Variants in ESR2 observed in about 807,000 individuals in gnomAD.
ESR2 encodes estrogen receptor beta.
In ESR2, 36 loss-of-function variants were observed where a neutral mutation model predicts 49.6. That is an observed-to-expected ratio of 0.73 (90% CI 0.56 to 0.96). The LOEUF is 0.96. ESR2 is among the 40% of genes least tolerant of loss of function. The pLI is 0.00. For synonymous variants in ESR2, 320 were observed against 266.1 expected (o/e 1.20, Z -1.97); for missense variants, 714 against 693.0 (o/e 1.03, Z -0.34).
chr14:64,297,332 G>A (rs2076969814), upstream of ESR2, among the ~76,000 whole-genome samples: 1 of 152,186 alleles, frequency 6.6e-6, no homozygotes, highest in African/African-American at 2.4e-5. Flanking sequence ...AGCAAAGGAA[G>A]TCAATGTAGT....
Position 64,268,778 on chromosome 14 carries a change from G to A in ESR2, c.652+17C>T, listed in dbSNP as rs3742614. ...TAGCAAGGCCCATATTCAATAAGAA[G>A]GGAAGCAAGCACTCACCACACTTCA... On this transcript the variant is annotated intron_variant, in intron 4 of 8. Transcript: ENST00000341099. 7.6e-3 allele frequency: 11,187 copies of A among 1,473,096 alleles called. 605 individuals are homozygous for A. The Admixed American group carries it at 0.1, about 14-fold the overall frequency. 91.3% of individuals were successfully genotyped at this position (1,473,096 alleles called of 1,614,324 possible). A position where few individuals can be genotyped will look rare whatever the true frequency, so the allele number is the denominator to read the frequency against.
chr14:64,270,766 T>A (rs1203938077), intron 3 of ESR2, among the ~76,000 whole-genome samples: 2 of 152,188 alleles, frequency 1.3e-5, no homozygotes, highest in Non-Finnish European at 2.9e-5. Flanking sequence ...CGCCTTGGTC[T>A]CCCAAAGTGC....
chr14:64,268,945 G>A (rs747435217), intron 3 of ESR2, 34 bp from the exon 4 acceptor site: 1 of 1,186,064 alleles, frequency 8.4e-7, no homozygotes, highest in East Asian at 2.3e-5. Context: ...AAAGATTATT[G>A]CTATGATCTC....
intron 1 of ESR2, among the ~76,000 whole-genome samples, chr14:64,315,284 G>C (rs912144984): frequency 6.8e-6 from 1 of 147,642 alleles, no homozygotes; most frequent in Non-Finnish European, 1.5e-5. Flanking sequence ...GAGAGAAGAC[G>C]CTAGTTACCA....
At chr14:64,321,310 C>CAA (rs142120594) in intron 1 of ESR2, among the ~76,000 whole-genome samples, 11 of 114,632 alleles carry the variant, frequency 9.6e-5, no homozygotes, top group African/African-American at 3.6e-4. Context: ...TGTCTAGAAG[C>CAA]AAAAAAAAAA....
intron 1 of ESR2, among the ~76,000 whole-genome samples, chr14:64,332,815 G>C (rs1407489021): frequency 2.3e-4 from 34 of 150,626 alleles, no homozygotes; most frequent in Admixed American, 2.3e-3. Context: ...AAAAAAAAAG[G>C]GTACCGTATA....
intron 6 of ESR2, among the ~76,000 whole-genome samples, chr14:64,253,269 C>T (rs1285290345): frequency 6.6e-6 from 1 of 152,064 alleles, no homozygotes; most frequent in Non-Finnish European, 1.5e-5. Context: ...TGGCTCACTG[C>T]AACCTCCACT....
intron 1 of ESR2, among the ~76,000 whole-genome samples, chr14:64,291,639 A>G (rs371492728): frequency 6.6e-6 from 1 of 152,208 alleles, no homozygotes; most frequent in Non-Finnish European, 1.5e-5. Context: ...AGTTTACAAA[A>G]GGTTATACAT....
At chr14:64,312,741 T>C (rs2077200315) in intron 1 of ESR2, among the ~76,000 whole-genome samples, 1 of 151,956 alleles carries the variant, frequency 6.6e-6, no homozygotes, top group African/African-American at 2.4e-5. Flanking sequence ...GGCCAGTCTC[T>C]ACTAAAAATA....
At chr14:64,237,396 A>T (rs1373866761) in intron 7 of ESR2, among the ~76,000 whole-genome samples, 1 of 152,244 alleles carries the variant, frequency 6.6e-6, no homozygotes, top group Non-Finnish European at 1.5e-5. Context: ...CCCTAAAATT[A>T]ACCCCATCTG....
At chr14:64,295,054 C>A (rs1782077410), upstream of ESR2, among the ~76,000 whole-genome samples, 1 of 152,242 alleles carries the variant, frequency 6.6e-6, no homozygotes. Context: ...CCAGTTCCCC[C>A]AGCTTAATGG....
rs1057454467 is a variant in ESR2 at position 64,283,078 on chromosome 14, G to A, written c.-90-3C>T. The A allele has an allele frequency of 2.6e-5, 34 of 1,307,632 alleles. No homozygotes were observed. The highest frequency in any genetic ancestry group is 3.3e-5 in the Non-Finnish European group (32 of 956,350). 81.0% of individuals were successfully genotyped at this position (1,307,632 alleles called of 1,614,324 possible). The stretch of plus-strand genomic sequence containing the variant: ...AGATTCGTGGGCAAGTATAATGGCT[G>A]TAAAGAAACACAGAAGATATTGCCA... On this transcript the variant is annotated splice_region_variant and splice_polypyrimidine_tract_variant and intron_variant, in intron 1 of 8. Coordinates refer to ENST00000341099, the MANE Select transcript of ESR2 (RefSeq NM_001437.3).
chr14:64,293,979 G>A (rs1193809590), intron 1 of ESR2, 54 bp downstream of exon 1: 3 of 152,334 alleles, frequency 2.0e-5, no homozygotes, highest in East Asian at 3.9e-4. Context: ...CTCACCGCAG[G>A]ATTTCAAACA....
intron 7 of ESR2, among the ~76,000 whole-genome samples, chr14:64,245,005 G>T (rs1596380326): frequency 6.6e-6 from 1 of 152,004 alleles, no homozygotes; most frequent in African/African-American, 2.4e-5. Flanking sequence ...TTCTGTCAGG[G>T]TTTTAAATTT....
chr14:64,335,228 T>C (rs1394783966), intron 1 of ESR2, among the ~76,000 whole-genome samples: 1 of 152,212 alleles, frequency 6.6e-6, no homozygotes, highest in African/African-American at 2.4e-5. Flanking sequence ...TTAGTGTGAC[T>C]AGAAAGGCCT....
intron 2 of ESR2, among the ~76,000 whole-genome samples, chr14:64,282,237 C>T (rs1219483186): frequency 2.0e-5 from 3 of 152,066 alleles, no homozygotes; most frequent in African/African-American, 4.8e-5. Context: ...CCCAGCTACT[C>T]GGGAGACTAA....
At chr14:64,309,541 G>T (rs1286936859) in intron 1 of ESR2, among the ~76,000 whole-genome samples, 1 of 146,344 alleles carries the variant, frequency 6.8e-6, no homozygotes, top group African/African-American at 2.6e-5. Flanking sequence ...AACCTGGGAG[G>T]CAGAGGTTGC....
chr14:64,301,940 T>C (rs2077025534), intron 1 of ESR2, among the ~76,000 whole-genome samples: 1 of 151,896 alleles, frequency 6.6e-6, no homozygotes, highest in South Asian at 2.1e-4. Flanking sequence ...TTTTCCTCTT[T>C]GGGAAGTTTG....
intron 7 of ESR2, 130 bp downstream of exon 7, chr14:64,249,416 C>T (rs923567605): frequency 8.6e-5 from 92 of 1,071,616 alleles, no homozygotes; most frequent in East Asian, 5.1e-4. Context: ...AAAATAAAAA[C>T]GAAGTCCAAA....
Sources: gnomAD v4.1 joint callset for allele counts (sites outside exome capture counted in the v4.1 genomes callset) on GRCh38, gnomAD v4.1.1 for gene constraint, MANE v1.5 for transcripts, NCBI Gene and HGNC (gene_info 2026-07-23, HGNC 2026-07-21) for gene names.